Variants in ERBB4 observed in about 807,000 individuals in gnomAD.
ERBB4 encodes the protein erb-b2 receptor tyrosine kinase 4.
In ERBB4, 42 loss-of-function variants were observed where a neutral mutation model predicts 158.0. The ratio of observed to expected loss-of-function variants is 0.27; its 90% CI spans 0.21 to 0.34. The LOEUF is 0.34. Ranked by LOEUF, ERBB4 falls within the 10% of genes least tolerant of loss-of-function variation. ERBB4 has a pLI of 1.00. For synonymous variants in ERBB4, 583 were observed against 558.7 expected (o/e 1.04, Z -0.61); for missense variants, 1,333 against 1,624.1 (o/e 0.82, Z 3.08).
chr2:211,771,499 T>C (rs2075691292), intron 4 of ERBB4, among the ~76,000 whole-genome samples: 1 of 152,208 alleles, frequency 6.6e-6, no homozygotes, highest in South Asian at 2.1e-4. Context: ...CTAAACCTTT[T>C]AGTCAAACAT....
intron 2 of ERBB4, among the ~76,000 whole-genome samples, chr2:211,949,039 T>G (rs1559166653): frequency 6.6e-6 from 1 of 152,162 alleles, no homozygotes; most frequent in Non-Finnish European, 1.5e-5. Context: ...GGCCAAAATT[T>G]CAGTCATCTT....
intron 1 of ERBB4, among the ~76,000 whole-genome samples, chr2:212,169,189 G>C (rs16847832): frequency 0.1 from 15,513 of 151,646 alleles, 2,647 homozygotes; most frequent in African/African-American, 0.35. Flanking sequence ...TAGAAATGTT[G>C]GTATGAGTAC....
At chr2:211,793,216 T>C (rs916858920) in intron 3 of ERBB4, among the ~76,000 whole-genome samples, 1 of 151,880 alleles carries the variant, frequency 6.6e-6, no homozygotes, top group African/African-American at 2.4e-5. Context: ...CTTTAGTCTA[T>C]ATGATCGATA....
At chr2:212,278,302 G>T (rs1201881525) in intron 1 of ERBB4, among the ~76,000 whole-genome samples, 3 of 151,520 alleles carry the variant, frequency 2.0e-5, no homozygotes, top group Admixed American at 1.3e-4. Context: ...TCAGCACAAG[G>T]GTCCTTTATT....
At chr2:212,489,444 C>A (rs1233928102) in intron 1 of ERBB4, among the ~76,000 whole-genome samples, 1 of 151,952 alleles carries the variant, frequency 6.6e-6, no homozygotes, top group Non-Finnish European at 1.5e-5. Context: ...CTCACTCCCC[C>A]AAACTCTGAG....
At chr2:212,028,569 G>A (rs747394247) in intron 2 of ERBB4, among the ~76,000 whole-genome samples, 6 of 152,084 alleles carry the variant, frequency 3.9e-5, no homozygotes, top group Non-Finnish European at 7.4e-5. Context: ...ATTCTAGGCA[G>A]GGAACACAGC....
At chr2:211,497,215 A>G (rs1422276281) in intron 20 of ERBB4, among the ~76,000 whole-genome samples, 1 of 152,072 alleles carries the variant, frequency 6.6e-6, no homozygotes, top group Admixed American at 6.6e-5. Context: ...TATTTCCATA[A>G]CTCAAACTTT....
intron 2 of ERBB4, among the ~76,000 whole-genome samples, chr2:212,083,604 G>A (rs936034954): frequency 6.6e-6 from 1 of 151,710 alleles, no homozygotes; most frequent in Non-Finnish European, 1.5e-5. Context: ...GCAAGTGTAT[G>A]TTAAAAGATA....
intron 2 of ERBB4, among the ~76,000 whole-genome samples, chr2:212,097,708 G>C (rs2078970677): frequency 6.6e-6 from 1 of 152,150 alleles, no homozygotes; most frequent in Non-Finnish European, 1.5e-5. Context: ...GGAAATAATA[G>C]TGTTAGGGAA....
intron 19 of ERBB4, among the ~76,000 whole-genome samples, chr2:211,610,946 G>C (rs1215552694): frequency 1.3e-5 from 2 of 152,026 alleles, no homozygotes; most frequent in Non-Finnish European, 2.9e-5. Context: ...TCTCTTTTAG[G>C]TACTTCAATG....
intron 1 of ERBB4, among the ~76,000 whole-genome samples, chr2:212,327,401 T>A (rs555541285): frequency 6.6e-6 from 1 of 152,058 alleles, no homozygotes; most frequent in East Asian, 1.9e-4. Context: ...CAAGGCCTGT[T>A]CTCACAAATA....
chr2:212,362,042 G>C (rs2089707378), intron 1 of ERBB4, among the ~76,000 whole-genome samples: 3 of 151,282 alleles, frequency 2.0e-5, no homozygotes, highest in Admixed American at 2.0e-4. Context: ...TTTTTACTGA[G>C]GTTAGGTTAT....
intron 1 of ERBB4, among the ~76,000 whole-genome samples, chr2:212,375,373 G>T (rs1309127450): frequency 6.6e-6 from 1 of 152,092 alleles, no homozygotes; most frequent in Admixed American, 6.6e-5. Context: ...TTCATCTAAT[G>T]AAGAACAGTT....
chr2:212,390,328 G>C (rs1472537680), intron 1 of ERBB4, among the ~76,000 whole-genome samples: 1 of 151,692 alleles, frequency 6.6e-6, no homozygotes, highest in Non-Finnish European at 1.5e-5. Flanking sequence ...AATTTAAGTA[G>C]ACTAAGAAAC....
In ERBB4 at chr2:211,480,516, G is replaced by A. The variant is rs73067295; in HGVS notation, c.2488-49416C>T. On this transcript the variant is annotated intron_variant, in intron 20 of 27. Transcript: ENST00000342788. ...CTTGCTTCCCCTTGGCCCTTCTTTC[G>A]TGATTGTAAGTTTCCCGAGTCCTCC... Among the ~76,000 whole-genome samples the A allele has an allele frequency of 5.7e-3, 860 of 152,126 alleles. 10 individuals are homozygous for A. The highest frequency in any genetic ancestry group is 0.019 in the African/African-American group (784 of 41,498).
chr2:211,948,961 T>G (rs1331216621), intron 2 of ERBB4, among the ~76,000 whole-genome samples: 1 of 152,172 alleles, frequency 6.6e-6, no homozygotes, highest in Non-Finnish European at 1.5e-5. Flanking sequence ...CTGAACTCTT[T>G]TCTTCCTCCA....
At chr2:211,537,233 T>A (rs898110886) in intron 20 of ERBB4, among the ~76,000 whole-genome samples, 1 of 151,998 alleles carries the variant, frequency 6.6e-6, no homozygotes, top group African/African-American at 2.4e-5. Context: ...ATATTATGCA[T>A]TTTTCCATCT....
At chr2:211,821,865 C>G (rs775637918) in intron 3 of ERBB4, among the ~76,000 whole-genome samples, 66 of 151,834 alleles carry the variant, frequency 4.3e-4, no homozygotes, top group Non-Finnish European at 9.0e-4. Context: ...CAAAATGGAT[C>G]AAAGACCTAA....
intron 1 of ERBB4, among the ~76,000 whole-genome samples, chr2:212,177,931 A>AGAGTGTTTGT (rs1156622093): frequency 2.7e-5 from 4 of 145,772 alleles, no homozygotes; most frequent in African/African-American, 7.7e-5. Context: ...AAAAAGGCAA[A>AGAGTGTTTGT]GAGTGTTTGT....
Sources: allele counts gnomAD v4.1 joint callset (sites outside exome capture counted in the v4.1 genomes callset), GRCh38; gene constraint gnomAD v4.1.1; transcripts MANE v1.5; gene names NCBI Gene and HGNC (gene_info 2026-07-23, HGNC 2026-07-21).